SLC35F1: variants seen among roughly 807,000 people sequenced by gnomAD.
SLC35F1 encodes chromosome 6 open reading frame 169.
In SLC35F1, 14 loss-of-function variants were observed where a neutral mutation model predicts 48.7. The observed-to-expected ratio is 0.29, with a 90% CI of 0.19 to 0.45. The LOEUF (loss-of-function observed/expected upper bound fraction) is 0.45. Ranked by LOEUF, SLC35F1 falls within the 20% of genes least tolerant of loss-of-function variation. The probability of loss-of-function intolerance (pLI) is 1.00; values close to 1 mark genes in which losing one functional copy is unlikely to be tolerated. For synonymous variants in SLC35F1, 190 were observed against 202.2 expected (o/e 0.94, Z 0.51); for missense variants, 404 against 500.0 (o/e 0.81, Z 1.83).
At chr6:118,283,170 A>G (rs1776005973) in intron 6 of SLC35F1, among the ~76,000 whole-genome samples, 1 of 152,116 alleles carries the variant, frequency 6.6e-6, no homozygotes. Context: ...CATCTGGGAC[A>G]CTTGAGGCCC....
intron 1 of SLC35F1, among the ~76,000 whole-genome samples, chr6:117,994,109 G>A (rs779230843): frequency 1.3e-5 from 2 of 152,062 alleles, no homozygotes; most frequent in African/African-American, 4.8e-5. Flanking sequence ...TAAGTTCCCT[G>A]TGGTTGTAGG....
At chr6:118,081,805 G>A (rs1173039394) in intron 1 of SLC35F1, among the ~76,000 whole-genome samples, 1 of 152,136 alleles carries the variant, frequency 6.6e-6, no homozygotes, top group Non-Finnish European at 1.5e-5. Context: ...CCCAGCCCAA[G>A]TTTACATTTT....
chr6:118,238,467 T>C (rs1029755684), intron 3 of SLC35F1, among the ~76,000 whole-genome samples: 2 of 143,680 alleles, frequency 1.4e-5, no homozygotes, highest in Non-Finnish European at 3.1e-5. Flanking sequence ...AATGGGAATT[T>C]ATTGATTCTC....
intron 1 of SLC35F1, among the ~76,000 whole-genome samples, chr6:118,099,955 T>C (rs553693306): frequency 7.6e-4 from 116 of 152,288 alleles, no homozygotes; most frequent in Non-Finnish European, 1.1e-3. Flanking sequence ...TATTTTTTAA[T>C]AAAAAAGCAA....
intron 1 of SLC35F1, among the ~76,000 whole-genome samples, chr6:117,947,335 A>G (rs934262134): frequency 7.2e-5 from 11 of 152,152 alleles, no homozygotes; most frequent in African/African-American, 2.7e-4. Context: ...ACAGTGAGAA[A>G]TGAGATTCTA....
At chr6:118,162,368 G>A (rs1484256399) in intron 2 of SLC35F1, among the ~76,000 whole-genome samples, 4 of 152,128 alleles carry the variant, frequency 2.6e-5, no homozygotes, top group Non-Finnish European at 4.4e-5. Context: ...AGAGCGTGGG[G>A]TAGTGGTGGG....
At chr6:117,962,433 C>G (rs914933206) in intron 1 of SLC35F1, among the ~76,000 whole-genome samples, 1 of 152,208 alleles carries the variant, frequency 6.6e-6, no homozygotes, top group African/African-American at 2.4e-5. Context: ...TTTGAAATGA[C>G]TCCCTCCTTG....
intron 3 of SLC35F1, among the ~76,000 whole-genome samples, chr6:118,238,942 A>T (rs1775401969): frequency 6.6e-6 from 1 of 152,084 alleles, no homozygotes; most frequent in South Asian, 2.1e-4. Context: ...ATCCGGTCAC[A>T]TATCTGTCAC....
intron 1 of SLC35F1, among the ~76,000 whole-genome samples, chr6:118,064,868 T>C (rs952176740): frequency 2.0e-5 from 3 of 152,188 alleles, no homozygotes; most frequent in Admixed American, 6.5e-5. Flanking sequence ...TATCTTGTAC[T>C]TATTGGCTAC....
At chr6:117,965,691 G>A (rs944890845) in intron 1 of SLC35F1, among the ~76,000 whole-genome samples, 6 of 152,180 alleles carry the variant, frequency 3.9e-5, no homozygotes, top group African/African-American at 1.2e-4. Context: ...ACCACAGACT[G>A]GGTGGCTTAA....
chr6:118,275,405 G>A (rs1016188229), intron 4 of SLC35F1, 54 bp from the exon 5 acceptor site: 2 of 1,550,570 alleles, frequency 1.3e-6, no homozygotes, highest in African/African-American at 2.8e-5. Flanking sequence ...CCAGATTCTT[G>A]TTAAGAAAGT....
At chr6:118,220,126 C>A (rs1161713930) in intron 2 of SLC35F1, among the ~76,000 whole-genome samples, 1 of 151,850 alleles carries the variant, frequency 6.6e-6, no homozygotes, top group Non-Finnish European at 1.5e-5. Flanking sequence ...TGTAACAAAG[C>A]TGTAGGTTGT....
chr6:118,256,878 G>T (rs1775652679), intron 3 of SLC35F1, among the ~76,000 whole-genome samples: 1 of 152,066 alleles, frequency 6.6e-6, no homozygotes, highest in Admixed American at 6.6e-5. Context: ...CAGAGAATTT[G>T]GGCCATGGAG....
At chr6:118,200,087 C>T (rs1225117671) in intron 2 of SLC35F1, among the ~76,000 whole-genome samples, 7 of 152,028 alleles carry the variant, frequency 4.6e-5, no homozygotes, top group Non-Finnish European at 8.8e-5. Context: ...AATTGCCCTT[C>T]AGAGAGATTA....
intron 1 of SLC35F1, among the ~76,000 whole-genome samples, chr6:117,979,705 G>A (rs1278453542): frequency 1.3e-5 from 2 of 152,082 alleles, no homozygotes; most frequent in African/African-American, 4.8e-5. Flanking sequence ...GTGGCTCTTA[G>A]TCCAAAGTCA....
At chr6:118,003,748 T>C (rs923891753) in intron 1 of SLC35F1, among the ~76,000 whole-genome samples, 2 of 151,678 alleles carry the variant, frequency 1.3e-5, no homozygotes, top group East Asian at 3.9e-4. Flanking sequence ...TGATTTTACA[T>C]TTTTTTTTAA....
chr6:118,054,685 TG>T (rs1772438952), intron 1 of SLC35F1, among the ~76,000 whole-genome samples: 1 of 152,210 alleles, frequency 6.6e-6, no homozygotes, highest in Non-Finnish European at 1.5e-5. Flanking sequence ...TTAGAACCGA[TG>T]GGTAGCAGAT....
intron 7 of SLC35F1, among the ~76,000 whole-genome samples, chr6:118,297,412 A>G (rs1776199553): frequency 6.6e-6 from 1 of 151,974 alleles, no homozygotes; most frequent in Non-Finnish European, 1.5e-5. Context: ...GTGCAATTTG[A>G]CCATTTGTAG....
chr6:118,169,120 C>G (rs1433136112), intron 2 of SLC35F1, among the ~76,000 whole-genome samples: 1 of 152,114 alleles, frequency 6.6e-6, no homozygotes, highest in Non-Finnish European at 1.5e-5. Flanking sequence ...ATTAATGGTG[C>G]CTCTGATAGC....
Sources: allele counts gnomAD v4.1 joint callset (sites outside exome capture counted in the v4.1 genomes callset), GRCh38; gene constraint gnomAD v4.1.1; transcripts MANE v1.5; gene names NCBI Gene and HGNC (gene_info 2026-07-23, HGNC 2026-07-21).